NTRK3: variants seen among roughly 807,000 people sequenced by gnomAD.
NTRK3 encodes the protein NT-3 growth factor receptor.
A neutral mutation model predicts 91.7 loss-of-function variants in NTRK3; 24 were observed. That is an observed-to-expected ratio of 0.26 (90% CI 0.19 to 0.37). The LOEUF is 0.37. NTRK3 is among the 10% of genes least tolerant of loss of function. The pLI is 1.00. For missense variants in NTRK3, 880 were observed against 1,068.9 expected (o/e 0.82, Z 2.46); for synonymous variants, 483 against 404.0 (o/e 1.20, Z -2.34).
chr15:88,106,216 C>T (rs775231367), intron 13 of NTRK3, among the ~76,000 whole-genome samples: 12 of 152,310 alleles, frequency 7.9e-5, no homozygotes, highest in Non-Finnish European at 1.0e-4. Flanking sequence ...CTACAGCGGC[C>T]GGCAGGACAA....
intron 13 of NTRK3, among the ~76,000 whole-genome samples, chr15:88,059,767 G>A (rs1355339471): frequency 3.9e-5 from 6 of 152,134 alleles, no homozygotes; most frequent in Admixed American, 3.9e-4. Context: ...ATAACACCCA[G>A]GGCCTCAAAA....
exon 19 of NTRK3, chr15:87,863,403 G>C (rs897027024): frequency 8.4e-5 from 19 of 226,280 alleles, no homozygotes; most frequent in African/African-American, 4.2e-4. Flanking sequence ...CATACACCCA[G>C]GCTTCGCTGC....
intron 16 of NTRK3, among the ~76,000 whole-genome samples, chr15:87,930,802 G>T (rs1195640281): frequency 6.6e-6 from 1 of 152,180 alleles, no homozygotes; most frequent in African/African-American, 2.4e-5. Context: ...TGGGAATCTG[G>T]TCAGTAGTGG....
At chr15:88,142,298 T>A (rs1462428351) in intron 6 of NTRK3, among the ~76,000 whole-genome samples, 1 of 152,218 alleles carries the variant, frequency 6.6e-6, no homozygotes, top group Admixed American at 6.5e-5. Flanking sequence ...ATGCAGGCAG[T>A]CGCATTAATA....
At chr15:87,953,583 C>T (rs181636280) in intron 14 of NTRK3, among the ~76,000 whole-genome samples, 29 of 152,272 alleles carry the variant, frequency 1.9e-4, no homozygotes, top group African/African-American at 6.3e-4. Flanking sequence ...ACCTGTGCAG[C>T]TAATGAATGG....
chr15:87,877,254 AG>A (rs1451889604), intron 18 of NTRK3, 134 bp from the exon 20 acceptor site: 1 of 917,420 alleles, frequency 1.1e-6, no homozygotes, highest in Non-Finnish European at 1.7e-6. Context: ...CACAAGCTAA[AG>A]GCTAGGCTGT....
At chr15:87,997,097 C>A (rs116153046) in intron 14 of NTRK3, among the ~76,000 whole-genome samples, 134 of 152,282 alleles carry the variant, frequency 8.8e-4, no homozygotes, top group African/African-American at 3.2e-3. Context: ...CCAGTTCTGC[C>A]ATTAGGCAGA....
chr15:88,202,743 T>A (rs2048411533), intron 3 of NTRK3, among the ~76,000 whole-genome samples: 1 of 152,186 alleles, frequency 6.6e-6, no homozygotes, highest in African/African-American at 2.4e-5. Context: ...AAGGAGAGCA[T>A]CCACACCTGT....
chr15:87,992,895 A>C (rs1226643173), intron 14 of NTRK3, among the ~76,000 whole-genome samples: 2 of 152,236 alleles, frequency 1.3e-5, no homozygotes, highest in Admixed American at 6.5e-5. Context: ...TACGGATTTC[A>C]GACAATTGAA....
intron 3 of NTRK3, among the ~76,000 whole-genome samples, chr15:88,246,911 C>T (rs2052883951): frequency 6.6e-6 from 1 of 152,214 alleles, no homozygotes; most frequent in African/African-American, 2.4e-5. Context: ...TGACAGTGCA[C>T]TTCTCACCAG....
chr15:88,212,300 G>A (rs2049324391), intron 3 of NTRK3, among the ~76,000 whole-genome samples: 2 of 152,192 alleles, frequency 1.3e-5, no homozygotes, highest in Non-Finnish European at 2.9e-5. Flanking sequence ...AACCTGGGAG[G>A]CGGAGCTTGC....
At chr15:87,935,508 G>A (rs1181160487) in intron 15 of NTRK3, among the ~76,000 whole-genome samples, 1 of 152,204 alleles carries the variant, frequency 6.6e-6, no homozygotes, top group Non-Finnish European at 1.5e-5. Context: ...GCAGCCTTGA[G>A]CTGTATGGGC....
chr15:87,890,769 A>G (rs2065815466), intron 17 of NTRK3, among the ~76,000 whole-genome samples: 1 of 152,164 alleles, frequency 6.6e-6, no homozygotes, highest in African/African-American at 2.4e-5. Flanking sequence ...CTCTAGGCTC[A>G]TCTTGTATAT....
intron 13 of NTRK3, among the ~76,000 whole-genome samples, chr15:88,056,204 T>TA (rs377120482): frequency 0.14 from 13,051 of 94,794 alleles, 803 homozygotes; most frequent in East Asian, 0.16. Flanking sequence ...ATATATATAT[T>TA]TTTTTTTTAA....
At chr15:87,994,850 C>T (rs1481797902) in intron 14 of NTRK3, among the ~76,000 whole-genome samples, 2 of 152,138 alleles carry the variant, frequency 1.3e-5, no homozygotes, top group Non-Finnish European at 2.9e-5. Flanking sequence ...AGTGCTAGAA[C>T]TGCAGCTGTG....
At chr15:88,060,447 G>A (rs1036712018) in intron 13 of NTRK3, among the ~76,000 whole-genome samples, 2 of 151,914 alleles carry the variant, frequency 1.3e-5, no homozygotes, top group Non-Finnish European at 2.9e-5. Context: ...GTTCTCCATG[G>A]TGGGAAGCAC....
At chr15:88,163,896 C>T (rs1475520674) in intron 5 of NTRK3, among the ~76,000 whole-genome samples, 2 of 152,172 alleles carry the variant, frequency 1.3e-5, no homozygotes, top group South Asian at 2.1e-4. Flanking sequence ...CTACTATATG[C>T]CGTGCATCTA....
At chr15:87,944,670 C>A (rs979900965) in intron 14 of NTRK3, among the ~76,000 whole-genome samples, 4 of 152,240 alleles carry the variant, frequency 2.6e-5, no homozygotes, top group Non-Finnish European at 4.4e-5. Flanking sequence ...CCTCCATCTT[C>A]CACTACTCAA....
chr15:88,152,541 T>C (rs1394667891), intron 5 of NTRK3, among the ~76,000 whole-genome samples: 1 of 152,096 alleles, frequency 6.6e-6, no homozygotes, highest in Non-Finnish European at 1.5e-5. Flanking sequence ...TCAGAAGAAA[T>C]GAGCCCTGCC....
Sources: gnomAD v4.1 joint callset for allele counts (sites outside exome capture counted in the v4.1 genomes callset) on GRCh38, gnomAD v4.1.1 for gene constraint, MANE v1.5 for transcripts, NCBI Gene and HGNC (gene_info 2026-07-23, HGNC 2026-07-21) for gene names.